ARB2A: variants seen among roughly 807,000 people sequenced by gnomAD.
ARB2A encodes ARB2 cotranscriptional regulator A, also known as cotranscriptional regulator ARB2A.
the ARB2A span, among the ~76,000 whole-genome samples, chr5:93,896,635 C>A: frequency 6.6e-6 from 1 of 151,846 alleles, no homozygotes; most frequent in African/African-American, 2.4e-5. Context: ...AATAGGAATA[C>A]TAATAATTTC....
chr5:93,697,291 C>T, the ARB2A span, among the ~76,000 whole-genome samples: 6 of 151,890 alleles, frequency 4.0e-5, no homozygotes, highest in Non-Finnish European at 8.8e-5. Context: ...TATATCTCTC[C>T]CCTTTATGAA....
chr5:93,933,495 CT>C, the ARB2A span, among the ~76,000 whole-genome samples: 2 of 152,094 alleles, frequency 1.3e-5, no homozygotes, highest in African/African-American at 4.8e-5. Context: ...AGTTCATGTC[CT>C]TTGCAGGGAC....
the ARB2A span, among the ~76,000 whole-genome samples, chr5:93,834,927 T>C: frequency 1.3e-5 from 2 of 152,302 alleles, no homozygotes; most frequent in African/African-American, 4.8e-5. Context: ...ACTAAATCTA[T>C]TCCACAGGCT....
At chr5:93,953,141 T>C in the ARB2A span, among the ~76,000 whole-genome samples, 1 of 152,208 alleles carries the variant, frequency 6.6e-6, no homozygotes, top group Non-Finnish European at 1.5e-5. Flanking sequence ...TTCTCCAGGA[T>C]TGGTCTCTGG....
the ARB2A span, among the ~76,000 whole-genome samples, chr5:93,878,576 T>A: frequency 0.025 from 3,847 of 152,094 alleles, 163 homozygotes; most frequent in African/African-American, 0.088. Flanking sequence ...ACCCACAATC[T>A]GATCTGTAAA....
chr5:93,620,973 C>T, the ARB2A span: 3 of 1,600,344 alleles, frequency 1.9e-6, no homozygotes, highest in Non-Finnish European at 2.6e-6. Context: ...CCTCCCCCGT[C>T]GCGCTCGCTC....
At chr5:94,000,466 G>A in the ARB2A span, among the ~76,000 whole-genome samples, 1 of 152,028 alleles carries the variant, frequency 6.6e-6, no homozygotes, top group Non-Finnish European at 1.5e-5. Context: ...AGCTTCTTTA[G>A]TGAGGTGTCT....
At chr5:93,741,541 T>G in the ARB2A span, 1 of 1,587,246 alleles carries the variant, frequency 6.3e-7, no homozygotes, top group South Asian at 1.1e-5. Context: ...GCAGAAGTGG[T>G]TTGAGGGCCT....
chr5:93,987,064 A>T, the ARB2A span, among the ~76,000 whole-genome samples: 277 of 152,318 alleles, frequency 1.8e-3, 1 homozygote, highest in Non-Finnish European at 3.2e-3. Flanking sequence ...AGTATTGTTT[A>T]TTGAATCCTA....
At chr5:93,694,580 G>A in the ARB2A span, among the ~76,000 whole-genome samples, 1 of 152,122 alleles carries the variant, frequency 6.6e-6, no homozygotes, top group South Asian at 2.1e-4. Flanking sequence ...TCATGGATAG[G>A]AAAAATCAAT....
At chr5:94,044,888 C>T in the ARB2A span, among the ~76,000 whole-genome samples, 1 of 151,838 alleles carries the variant, frequency 6.6e-6, no homozygotes, top group African/African-American at 2.4e-5. Flanking sequence ...CCTACCAAGG[C>T]GGGTGGATCA....
chr5:93,894,051 C>G, the ARB2A span, among the ~76,000 whole-genome samples: 1 of 152,182 alleles, frequency 6.6e-6, no homozygotes, highest in African/African-American at 2.4e-5. Context: ...TGCAGATTCA[C>G]ATCCATGCTG....
the ARB2A span, among the ~76,000 whole-genome samples, chr5:93,823,039 T>C: frequency 3.4e-4 from 52 of 152,270 alleles, no homozygotes; most frequent in Admixed American, 1.0e-3. Flanking sequence ...TGCCAAAGTC[T>C]AGAAACATAA....
chr5:93,829,422 A>G, the ARB2A span, among the ~76,000 whole-genome samples: 3 of 152,122 alleles, frequency 2.0e-5, no homozygotes, highest in Non-Finnish European at 4.4e-5. Context: ...CTGAAATGAG[A>G]TATCATTTCC....
chr5:93,746,443 T>C, the ARB2A span, among the ~76,000 whole-genome samples: 1 of 152,202 alleles, frequency 6.6e-6, no homozygotes, highest in Non-Finnish European at 1.5e-5. Flanking sequence ...TGCTATAATG[T>C]AGTAGTGTTG....
chr5:94,054,325 C>T, the ARB2A span, among the ~76,000 whole-genome samples: 11 of 152,234 alleles, frequency 7.2e-5, no homozygotes, highest in Non-Finnish European at 1.5e-4. Flanking sequence ...ATTATTATCT[C>T]TCCCCAGTCT....
At chr5:93,794,706 A>G in the ARB2A span, among the ~76,000 whole-genome samples, 1 of 152,180 alleles carries the variant, frequency 6.6e-6, no homozygotes, top group Non-Finnish European at 1.5e-5. Context: ...GACACCCAGC[A>G]GAGCTACTGG....
the ARB2A span, among the ~76,000 whole-genome samples, chr5:93,645,713 C>A: frequency 6.6e-6 from 1 of 151,852 alleles, no homozygotes; most frequent in East Asian, 1.9e-4. Flanking sequence ...TTTTTAGGAA[C>A]AACTTTCACT....
chr5:93,664,105 C>A, the ARB2A span, among the ~76,000 whole-genome samples: 2 of 151,468 alleles, frequency 1.3e-5, no homozygotes, highest in African/African-American at 4.9e-5. Flanking sequence ...GGGTCTTGCT[C>A]TGTCACCCAG....
Sources: gnomAD v4.1 joint callset for allele counts (sites outside exome capture counted in the v4.1 genomes callset) on GRCh38, gnomAD v4.1.1 for gene constraint, MANE v1.5 for transcripts, NCBI Gene and HGNC (gene_info 2026-07-23, HGNC 2026-07-21) for gene names.